The following SERPINB6 variants were observed in gnomAD, a reference collection of about 807,000 sequenced individuals.
SERPINB6 encodes the protein serpin family B member 6.
Under a neutral mutation model 26.1 loss-of-function variants are expected in SERPINB6, and 16 were observed. The ratio of observed to expected loss-of-function variants is 0.61; its 90% CI spans 0.42 to 0.93. The LOEUF (loss-of-function observed/expected upper bound fraction) is 0.93. SERPINB6 is among the 40% of genes least tolerant of loss of function. The pLI, the probability that SERPINB6 is intolerant of heterozygous loss-of-function variation, is 0.00. For synonymous variants in SERPINB6, 174 were observed against 176.6 expected (o/e 0.99, Z 0.11); for missense variants, 420 against 478.0 (o/e 0.88, Z 1.13).
intron 2 of SERPINB6, chr6:2,957,786 A>G (rs1770661026): frequency 6.6e-6 from 1 of 152,548 alleles, no homozygotes; most frequent in Non-Finnish European, 1.5e-5. Flanking sequence ...AGCACGGGCC[A>G]TTTCTTACAG....
chr6:2,952,900 C>G, intron 5 of SERPINB6, 144 bp downstream of exon 5: 1 of 1,181,124 alleles, frequency 8.5e-7, no homozygotes, highest in African/African-American at 1.5e-5. Flanking sequence ...GGATGCCAGG[C>G]GCCCAGGGAC....
Position 2,953,025 on chromosome 6 carries a change from G to C in SERPINB6, c.573+19C>G, listed in dbSNP as rs1380501182. ...TCGTGTGAACACAGGCGCTGCTCCTGTCACGGCCCCTTACTCGCCTTGCTG... is the reference window on the plus strand; with the variant it reads ...TCGTGTGAACACAGGCGCTGCTCCTCTCACGGCCCCTTACTCGCCTTGCTG... On this transcript the variant is annotated intron_variant, in intron 5 of 6. Transcript: ENST00000380539. 6.2e-7 allele frequency: 1 copy of C among 1,613,970 alleles called. No individual in the cohort carries two copies. The highest frequency in any genetic ancestry group is 8.5e-7 in the Non-Finnish European group (1 of 1,180,042).
chr6:2,964,921 C>T (rs999507807), intron 1 of SERPINB6, among the ~76,000 whole-genome samples: 3 of 152,202 alleles, frequency 2.0e-5, no homozygotes, highest in East Asian at 1.9e-4. Flanking sequence ...ACTGCAGCCT[C>T]GAACTCCTGG....
rs937444048 is a variant in SERPINB6 at position 2,968,508 on chromosome 6, A to T, written c.-11+3025T>A. ...TCATATAAATGAATGTTCTCTTCTGACCTTATTCCCTCATTTACACTTTTC... is the reference window on the plus strand; with the variant it reads ...TCATATAAATGAATGTTCTCTTCTGTCCTTATTCCCTCATTTACACTTTTC... On this transcript the variant is annotated intron_variant, in intron 1 of 6. Transcript: ENST00000380539. 12 of 1,129,320 alleles carry T rather than the reference A, an allele frequency of 1.1e-5. No individual in the cohort carries two copies. The African/African-American group carries it at 1.9e-4, about 18-fold the overall frequency. The allele number at this position is 1,129,320 out of a possible 1,614,324, so 70.0% of individuals were successfully genotyped here.
chr6:2,954,879 A>G (rs1770246655), intron 3 of SERPINB6, 170 bp from the exon 4 acceptor site: 2 of 618,810 alleles, frequency 3.2e-6, no homozygotes, highest in South Asian at 3.8e-5. Context: ...CTTTAGCTAT[A>G]TTTAATCCTA....
intron 5 of SERPINB6, 78 bp from the exon 6 acceptor site, chr6:2,949,147 C>G: frequency 6.5e-7 from 1 of 1,528,862 alleles, no homozygotes; most frequent in South Asian, 1.2e-5. Flanking sequence ...GAGCTGGCCA[C>G]TCTCTGCAGG....
chr6:2,964,380 A>C (rs1243586521), intron 1 of SERPINB6, among the ~76,000 whole-genome samples: 2 of 152,190 alleles, frequency 1.3e-5, no homozygotes, highest in African/African-American at 4.8e-5. Context: ...TAAAAATCAC[A>C]GTAATGACAT....
rs531116089 is a variant in SERPINB6 at position 2,955,448 on chromosome 6, C to A, written c.312+76G>T. On this transcript the variant is annotated intron_variant, in intron 3 of 6. Transcript: ENST00000380539. ...TGGCATAATGGCATTTAGAGCCACA[C>A]GCTTCCTGCTGGGCCCCAGCCCCCA... is the stretch of plus-strand genomic sequence containing the variant. The A allele has an allele frequency of 3.8e-6, 6 of 1,568,414 alleles. No homozygotes were observed. The African/African-American group carries it at 4.0e-5, about 11-fold the overall frequency.
intron 1 of SERPINB6, chr6:2,962,230 G>A: frequency 4.1e-6 from 4 of 985,392 alleles, no homozygotes; most frequent in Non-Finnish European, 4.8e-6. Context: ...TGGGGCAGAG[G>A]AGAAGTCGGT....
chr6:2,959,262 G>C lies in SERPINB6; in HGVS notation c.71C>G (p.Ser24Trp), dbSNP rs145375367. Reference protein sequence around the residue: ...NLLKTLGKDNSKNVFFSPMSM... With the variant: ...NLLKTLGKDNWKNVFFSPMSM... ...CATGGGTGAGAAAAACACATTCTTC[G>C]AGTTGTCTTTACCCAGCGTTTTCAA... The change falls in exon 2 of 7, where the codon TCG becomes TGG. Residue 24 changes from serine (S) to tryptophan (W), a missense_variant. Coordinates refer to ENST00000380539, the MANE Select transcript of SERPINB6 (RefSeq NM_004568.6). 1.2e-5 allele frequency: 20 copies of C among 1,614,140 alleles called. No homozygotes were observed. In the South Asian group the frequency reaches 2.1e-4, roughly 17 times the overall value.
At chr6:2,955,161 G>A in intron 3 of SERPINB6, 1 of 297,292 alleles carries the variant, frequency 3.4e-6, no homozygotes, top group Non-Finnish European at 6.3e-6. Context: ...CCACACTCCA[G>A]CCTGGGCGAC....
intron 1 of SERPINB6, chr6:2,961,887 C>A: frequency 5.1e-6 from 5 of 985,188 alleles, no homozygotes; most frequent in Non-Finnish European, 6.0e-6. Context: ...TGCTGAAGGA[C>A]TCTTACGCTT....
At chr6:2,951,490 C>T (rs546197707) in intron 5 of SERPINB6, among the ~76,000 whole-genome samples, 1 of 152,012 alleles carries the variant, frequency 6.6e-6, no homozygotes, top group South Asian at 2.1e-4. Context: ...CTGAAGTTTG[C>T]TGACCCCTGC....
chr6:2,962,210 T>C, intron 1 of SERPINB6: 1 of 985,452 alleles, frequency 1.0e-6, no homozygotes, highest in Non-Finnish European at 1.2e-6. Flanking sequence ...CCAGCCCAGG[T>C]TACACCATCT....
At chr6:2,951,877 AG>A (rs1769850024) in intron 5 of SERPINB6, among the ~76,000 whole-genome samples, 1 of 152,204 alleles carries the variant, frequency 6.6e-6, no homozygotes, top group Non-Finnish European at 1.5e-5. Flanking sequence ...GGGAAGGTTT[AG>A]GCTCCCCTCC....
intron 5 of SERPINB6, among the ~76,000 whole-genome samples, chr6:2,952,239 G>T (rs902565133): frequency 6.6e-6 from 1 of 152,178 alleles, no homozygotes; most frequent in African/African-American, 2.4e-5. Flanking sequence ...TCTGAATTGC[G>T]AGGAGAACAG....
Position 2,963,726 on chromosome 6 carries a change from G to A in SERPINB6, c.-10-4384C>T, listed in dbSNP as rs570857711. On this transcript the variant is annotated intron_variant, in intron 1 of 6. Transcript: ENST00000380539. The stretch of plus-strand genomic sequence containing the variant: ...CACCAGACCATGCAAACCAGGGAGG[G>A]AAACAAGATAAGCCATGTTCCACCC... The A allele has an allele frequency of 3.3e-5, 5 of 152,376 alleles. No individual in the cohort carries two copies. In the East Asian group the frequency reaches 5.8e-4, roughly 18 times the overall value. 9.4% of individuals were successfully genotyped at this position (152,376 alleles called of 1,614,324 possible).
chr6:2,968,454 T>C, intron 1 of SERPINB6: 1 of 910,196 alleles, frequency 1.1e-6, no homozygotes, highest in Non-Finnish European at 1.2e-6. Context: ...TAAATAGAGG[T>C]TTAAAAGGTT....
chr6:2,955,775 T>C (rs1770404886), intron 2 of SERPINB6, 105 bp from the exon 3 acceptor site: 6 of 1,283,276 alleles, frequency 4.7e-6, no homozygotes, highest in Non-Finnish European at 6.6e-6. Context: ...CCCTTATTAC[T>C]GCTTAAAAGA....
Sources: allele counts gnomAD v4.1 joint callset (sites outside exome capture counted in the v4.1 genomes callset), GRCh38; gene constraint gnomAD v4.1.1; transcripts MANE v1.5; gene names NCBI Gene and HGNC (gene_info 2026-07-23, HGNC 2026-07-21).